SEC16A: variants seen among roughly 807,000 people sequenced by gnomAD.
SEC16A encodes SEC16 homolog A, endoplasmic reticulum export factor.
SEC16A carries 110 observed loss-of-function variants against 221.9 expected under a neutral mutation model. The ratio of observed to expected loss-of-function variants is 0.50; its 90% confidence interval spans 0.42 to 0.58. The LOEUF (loss-of-function observed/expected upper bound fraction) is 0.58, where lower values mean the gene tolerates loss of function less well. SEC16A is among the 20% of genes least tolerant of loss of function. The pLI is 0.00. For missense variants in SEC16A, 3,165 were observed against 3,097.8 expected (o/e 1.02, Z -0.52); for synonymous variants, 1,393 against 1,257.7 (o/e 1.11, Z -2.28).
At chr9:136,467,796 C>T (rs1014249784) in intron 5 of SEC16A, among the ~76,000 whole-genome samples, 1 of 152,176 alleles carries the variant, frequency 6.6e-6, no homozygotes, top group Non-Finnish European at 1.5e-5. Context: ...ATATTTGATA[C>T]TTGTCAAGGG....
chr9:136,483,548 C>T, upstream of SEC16A: 1 of 985,174 alleles, frequency 1.0e-6, no homozygotes, highest in Non-Finnish European at 1.2e-6. Flanking sequence ...CGGCCAGGCG[C>T]GCCGGGGCCG....
chr9:136,480,491 T>C (rs1842182887), intron 1 of SEC16A, among the ~76,000 whole-genome samples: 1 of 152,198 alleles, frequency 6.6e-6, no homozygotes, highest in Admixed American at 6.5e-5. Flanking sequence ...TATTTTTGTC[T>C]ATAAAATGCG....
intron 12 of SEC16A, 54 bp from the exon 13 acceptor site, chr9:136,461,328 A>T (rs1045273551): frequency 7.5e-7 from 1 of 1,328,906 alleles, no homozygotes; most frequent in East Asian, 2.5e-5. Context: ...CTCACGTGAC[A>T]TGAGTCAAGA....
In SEC16A at chr9:136,460,087, C is replaced by T; in HGVS notation, c.5028G>A (p.Gln1676=). 6.2e-7 allele frequency: 1 copy of T among 1,607,932 alleles called. No individual in the cohort carries two copies. The highest frequency in any genetic ancestry group is 8.5e-7 in the Non-Finnish European group (1 of 1,177,224). Residue 1676 remains glutamine (Q), a synonymous_variant, in exon 14 of 32, where the codon CAG becomes CAA. Transcript: ENST00000684901. ...ANSLPINDPL[Q]TVYQLMSGRM... Reference sequence around the variant, plus strand: ...GTCCGGACATGAGCTGGTAGACTGTCTGCAGAGGGTCGTTGATTGGGAGGC... The same window carrying T: ...GTCCGGACATGAGCTGGTAGACTGTTTGCAGAGGGTCGTTGATTGGGAGGC...
At position 136,474,837 on chromosome 9, in the gene SEC16A, G is replaced by C. The variant is rs1259266759; in HGVS notation, c.2779C>G (p.Gln927Glu). Residue 927 changes from glutamine to glutamate, a missense_variant, in exon 3 of 32, where the codon CAA (glutamine) becomes GAA (glutamate). Transcript: ENST00000684901. ...VSNQPANLLV[Q>E]PPSQPVPENL... ...TCTGGAACTGGCTGGGATGGTGGTT[G>C]AACCAGCAAATTAGCAGGCTGATTA... The C allele has an allele frequency of 1.9e-6, 3 of 1,613,950 alleles. No individual in the cohort carries two copies. The highest frequency in any genetic ancestry group is 1.7e-5 in the Admixed American group (1 of 60,022).
chr9:136,481,632 C>A lies in SEC16A; in HGVS notation c.-192+1306G>T, dbSNP rs191311486. ...CTGAGGCATTTAAAATGCATGCACA[C>A]CCCTCTCCTCTTGCTGCCACTGGCT... On this transcript the variant is annotated intron_variant, in intron 1 of 31. Coordinates refer to ENST00000684901, the MANE Select transcript of SEC16A (RefSeq NM_014866.2). 5.9e-5 allele frequency among the ~76,000 whole-genome samples: 9 copies of A among 152,298 alleles called. No homozygotes were observed. The East Asian group carries it at 1.5e-3, about 26-fold the overall frequency.
upstream of SEC16A, chr9:136,483,351 T>A: frequency 3.1e-6 from 1 of 320,862 alleles, no homozygotes; most frequent in Non-Finnish European, 4.2e-6. Flanking sequence ...CCCTCTTCCG[T>A]CGTTCCTCGC....
At chr9:136,445,590 G>A (rs1836859687) in intron 29 of SEC16A, 55 bp downstream of exon 29, 5 of 1,345,632 alleles carry the variant, frequency 3.7e-6, no homozygotes, top group Non-Finnish European at 4.1e-6. Context: ...CGCCTGGACA[G>A]TGAGCTGCTG....
In SEC16A at chr9:136,445,035, C is replaced by T. The variant is rs770249906; in HGVS notation, c.6927+17G>A. ...ACGCCAGCTCTCATGTTAGTGAGGA[C>T]CACCAGCCGCAGGTACCTGATTAAA... On this transcript the variant is annotated intron_variant, in intron 30 of 31. Transcript: ENST00000684901. 7.5e-6 allele frequency: 12 copies of T among 1,599,888 alleles called. No homozygotes were observed. The highest frequency in any genetic ancestry group is 1.0e-5 in the Non-Finnish European group (12 of 1,173,714).
In SEC16A at chr9:136,457,511, G is replaced by T. The variant is rs755507966; in HGVS notation, c.5483C>A (p.Ala1828Asp). Residue 1828 changes from alanine (A) to aspartate (D), a missense_variant, in exon 18 of 32, where the codon GCC becomes GAC. Physicochemically the swap from Ala to Asp is moderately radical, Grantham distance 126. This residue lies in a region of SEC16A where 1,088 missense variants were observed against 1,089.6 expected (regional missense o/e 1.00). Transcript: ENST00000684901. ...LATQAFHYCEAIAKSILTQPH... is the reference protein window; with the variant it reads ...LATQAFHYCEDIAKSILTQPH... ...CTGCGTCAGGATGCTCTTCGCGATG[G>T]CCTCACAGTAGTGGAAGGCTTGCGT... is the stretch of plus-strand genomic sequence containing the variant. 59 of 1,610,088 alleles carry T rather than the reference G, an allele frequency of 3.7e-5. No homozygotes were observed. Among genetic ancestry groups the T allele is most frequent in the Non-Finnish European group, 4.5e-5 (53 of 1,178,196 alleles).
intron 12 of SEC16A, among the ~76,000 whole-genome samples, chr9:136,461,696 C>T (rs1293719815): frequency 6.6e-6 from 1 of 152,198 alleles, no homozygotes; most frequent in Non-Finnish European, 1.5e-5. Flanking sequence ...CCAAAATCAT[C>T]CAGGGCATAA....
At chr9:136,444,832 T>C (rs1479986124) in intron 30 of SEC16A, among the ~76,000 whole-genome samples, 1 of 129,478 alleles carries the variant, frequency 7.7e-6, no homozygotes, top group African/African-American at 3.0e-5. Context: ...TGAGCTGAGA[T>C]CACACCATTG....
chr9:136,457,099 G>C (rs1057431671), intron 18 of SEC16A, among the ~76,000 whole-genome samples: 1 of 152,218 alleles, frequency 6.6e-6, no homozygotes, highest in East Asian at 1.9e-4. Flanking sequence ...CTTGAATCTG[G>C]GAGGCGGAGG....
chr9:136,466,202 T>C lies in SEC16A; in HGVS notation c.4128+62A>G, dbSNP rs1252298967. ...CACAGCAGTAAAACTTTAGGTACAT[T>C]GCAAACAGGATGGTGGTTCTAAACA... On this transcript the variant is annotated intron_variant, in intron 7 of 31. Coordinates refer to ENST00000684901, the MANE Select transcript of SEC16A (RefSeq NM_014866.2). The surrounding 1 kb of genome is among the most constrained non-coding windows in gnomAD (Gnocchi z 5.5). The C allele has an allele frequency of 6.4e-7, 1 of 1,569,780 alleles. No individual in the cohort carries two copies. Among genetic ancestry groups the C allele is most frequent in the Non-Finnish European group, 8.7e-7 (1 of 1,154,962 alleles).
At chr9:136,444,454 A>G (rs1836663788) in intron 30 of SEC16A, among the ~76,000 whole-genome samples, 2 of 152,196 alleles carry the variant, frequency 1.3e-5, no homozygotes, top group Non-Finnish European at 2.9e-5. Context: ...GACCGGGGAA[A>G]CACTCACTCG....
Position 136,463,720 on chromosome 9 carries a change from A to G in SEC16A, c.4467T>C (p.Ser1489=), listed in dbSNP as rs1325906128. Residue 1489 remains serine (S), a synonymous_variant, in exon 10 of 32, where the codon TCT becomes TCC. Coordinates refer to ENST00000684901, the MANE Select transcript of SEC16A (RefSeq NM_014866.2). The part of the protein sequence containing the change: ...HSMEALLQHT[S]EQEEMRAFPG... ...GGAACGCCCGCATCTCCTCCTGCTCAGACGTGTGCTGCAGCAAGGCCTACG... is the reference window on the plus strand; with the variant it reads ...GGAACGCCCGCATCTCCTCCTGCTCGGACGTGTGCTGCAGCAAGGCCTACG... The G allele has an allele frequency of 1.9e-6, 3 of 1,612,176 alleles. No individual in the cohort carries two copies. In the African/African-American group the frequency reaches 4.0e-5, roughly 22 times the overall value.
chr9:136,447,284 A>T lies in SEC16A; in HGVS notation c.6640T>A (p.Phe2214Ile), dbSNP rs1837138496. The T allele has an allele frequency of 2.7e-5, 43 of 1,598,252 alleles. No individual in the cohort carries two copies. The highest frequency in any genetic ancestry group is 3.6e-5 in the Non-Finnish European group (42 of 1,172,904). ...RSEPALAPADFVAPLAPLPIP... is the reference protein window; with the variant it reads ...RSEPALAPADIVAPLAPLPIP... ...GGGAGTGGCGCGAGTGGAGCGACAA[A>T]GTCCGCAGGAGCGAGAGCCGGCTCG... Residue 2214 changes from phenylalanine to isoleucine, a missense_variant, in exon 27 of 32, where the codon TTT (phenylalanine) becomes ATT (isoleucine). By Grantham distance (21) the Phe-to-Ile change is conservative. Transcript: ENST00000684901. This position sits in a 1 kb window ranked among gnomAD's most constrained non-coding sequence, Gnocchi z 5.5.
chr9:136,477,298 G>A lies in SEC16A; in HGVS notation c.318C>T (p.Pro106=). Residue 106 remains proline (P), a synonymous_variant, in exon 3 of 32, where the codon CCC becomes CCT. Coordinates refer to ENST00000684901, the MANE Select transcript of SEC16A (RefSeq NM_014866.2). ...HTHARDSSQG[P]CEPLPGPLTQ... is the part of the protein sequence containing the mutation. ...TCAGAGGTCCAGGCAGGGGCTCACA[G>A]GGTCCCTGAGAGCTATCTCTGGCAT... 6.2e-7 allele frequency: 1 copy of A among 1,613,798 alleles called. No individual in the cohort carries two copies. Among genetic ancestry groups the A allele is most frequent in the South Asian group, 1.1e-5 (1 of 91,082 alleles).
In SEC16A at chr9:136,447,833, G is replaced by A. The variant is rs1169504061; in HGVS notation, c.6447+20C>T. ...TCCACTCACACCTCACACCCAACAG[G>A]AACTAGAATGACAATTTACCTCCTC... On this transcript the variant is annotated intron_variant, in intron 25 of 31. Coordinates refer to ENST00000684901, the MANE Select transcript of SEC16A (RefSeq NM_014866.2). This position sits in a 1 kb window ranked among gnomAD's most constrained non-coding sequence, Gnocchi z 5.5. 1.2e-6 allele frequency: 2 copies of A among 1,604,766 alleles called. No individual in the cohort carries two copies. Among genetic ancestry groups the A allele is most frequent in the Admixed American group, 1.7e-5 (1 of 58,520 alleles).
Sources: gnomAD v4.1 joint callset for allele counts (sites outside exome capture counted in the v4.1 genomes callset) on GRCh38, gnomAD v4.1.1 for gene constraint, gnomAD v4.1.1 regional missense constraint, Gnocchi (gnomAD v3.1) non-coding constraint, MANE v1.5 for transcripts, NCBI Gene and HGNC (gene_info 2026-07-23, HGNC 2026-07-21) for gene names.